TPRA1: variants seen among roughly 807,000 people sequenced by gnomAD.
The protein encoded by TPRA1 is transmembrane protein adipocyte-associated 1.
TPRA1 carries 28 observed loss-of-function variants against 40.1 expected under a neutral mutation model. The observed-to-expected ratio is 0.70, with a 90% CI of 0.52 to 0.96. The LOEUF is 0.96. TPRA1 is among the 40% of genes least tolerant of loss of function. The pLI, the probability that TPRA1 is intolerant of heterozygous loss-of-function variation, is 0.00. For synonymous variants in TPRA1, 219 were observed against 209.7 expected (o/e 1.04, Z -0.38); for missense variants, 441 against 482.6 (o/e 0.91, Z 0.81).
chr3:127,574,901 T>A, intron 10 of TPRA1: 1 of 490,814 alleles, frequency 2.0e-6, no homozygotes, highest in South Asian at 2.1e-5. Flanking sequence ...CATATGCCCG[T>A]GTGTATCCGT....
Position 127,577,086 on chromosome 3 carries a change from A to C in TPRA1, c.259-10T>G. ...GCGCCACCACAAACACCTGGTGGGC[A>C]AGGGAGTGGTGTGGCAGTCAGGGAA... On this transcript the variant is annotated splice_polypyrimidine_tract_variant and intron_variant, in intron 3 of 10. Coordinates refer to ENST00000355552, the MANE Select transcript of TPRA1 (RefSeq NM_001136053.4). 5.0e-6 allele frequency: 8 copies of C among 1,613,104 alleles called. No individual in the cohort carries two copies. The highest frequency in any genetic ancestry group is 6.8e-6 in the Non-Finnish European group (8 of 1,179,942).
In TPRA1 at chr3:127,575,814, A is replaced by G. The variant is rs1185967009; in HGVS notation, c.610-5T>C. 1.2e-6 allele frequency: 2 copies of G among 1,613,930 alleles called. No homozygotes were observed. Among genetic ancestry groups the G allele is most frequent in the Non-Finnish European group, 1.7e-6 (2 of 1,180,012 alleles). On this transcript the variant is annotated splice_polypyrimidine_tract_variant and splice_region_variant and intron_variant, in intron 7 of 10. Coordinates refer to ENST00000355552, the MANE Select transcript of TPRA1 (RefSeq NM_001136053.4). ...GATGACCACCAGAGAGTAGACCTACAGAGACAGGCAGGGCTGAGAAGGTGC... is the reference window on the plus strand; with the variant it reads ...GATGACCACCAGAGAGTAGACCTACGGAGACAGGCAGGGCTGAGAAGGTGC...
intron 1 of TPRA1, among the ~76,000 whole-genome samples, chr3:127,596,723 C>T (rs985467819): frequency 1.2e-4 from 18 of 152,202 alleles, no homozygotes; most frequent in Non-Finnish European, 2.4e-4. Flanking sequence ...GCTGGTCTTC[C>T]TGTGCGCTCC....
At chr3:127,597,310 C>G (rs1423395781) in intron 1 of TPRA1, among the ~76,000 whole-genome samples, 1 of 152,200 alleles carries the variant, frequency 6.6e-6, no homozygotes, top group Admixed American at 6.5e-5. Flanking sequence ...GCAACCTCCT[C>G]GTTTGCTGCC....
rs1034058665 is a variant in TPRA1, at chr3:127,581,805, C to T, written c.-17-1642G>A. On this transcript the variant is annotated intron_variant, in intron 1 of 10. Transcript: ENST00000355552. ...GGCATGGTGGCATGTGCCTATAGTC[C>T]CAGCTACTCAGGAGGCTGAGGCAGA... 5.3e-5 allele frequency among the ~76,000 whole-genome samples: 8 copies of T among 151,712 alleles called. 1 individual carries two copies. The highest frequency in any genetic ancestry group is 5.3e-4 in the Admixed American group (8 of 15,222).
chr3:127,578,830 C>T (rs535185135), intron 3 of TPRA1, among the ~76,000 whole-genome samples: 2 of 152,288 alleles, frequency 1.3e-5, no homozygotes, highest in African/African-American at 4.8e-5. Context: ...GGGAGCCACT[C>T]AGCTCTCATG....
intron 1 of TPRA1, among the ~76,000 whole-genome samples, chr3:127,590,002 G>A (rs1203378535): frequency 6.6e-6 from 1 of 152,218 alleles, no homozygotes; most frequent in Non-Finnish European, 1.5e-5. Flanking sequence ...GCAAAGCCCC[G>A]AACCGGCGGC....
At chr3:127,581,462 G>T (rs1432904624) in intron 1 of TPRA1, among the ~76,000 whole-genome samples, 2 of 152,194 alleles carry the variant, frequency 1.3e-5, no homozygotes, top group Non-Finnish European at 2.9e-5. Context: ...GGGCGCCTTT[G>T]GGGAGATGAA....
intron 1 of TPRA1, among the ~76,000 whole-genome samples, chr3:127,589,927 G>GCC (rs950607702): frequency 3.9e-5 from 6 of 152,214 alleles, no homozygotes; most frequent in African/African-American, 1.4e-4. Context: ...GGCAAAGCCA[G>GCC]CCCCCACCTG....
chr3:127,592,384 T>G (rs565022489), upstream of TPRA1, among the ~76,000 whole-genome samples: 968 of 140,538 alleles, frequency 6.9e-3, 8 homozygotes, highest in African/African-American at 0.024. Flanking sequence ...TTTTTTTTTT[T>G]TTTTTTTTTT....
intron 10 of TPRA1, chr3:127,574,934 G>A: frequency 1.8e-6 from 1 of 557,172 alleles, no homozygotes; most frequent in Non-Finnish European, 3.2e-6. Context: ...GTGTGTGCAT[G>A]TGCATGTGTG....
chr3:127,573,734 C>T lies in TPRA1; in HGVS notation c.909G>A (p.Glu303=), dbSNP rs1292504046. 2 of 1,598,740 alleles carry T rather than the reference C, an allele frequency of 1.3e-6. No individual in the cohort carries two copies. The highest frequency in any genetic ancestry group is 2.2e-5 in the East Asian group (1 of 44,488). Reference sequence around the variant, plus strand: ...AGGGCTGGGGTAGGTGTACATCTGGCTCCTCTGTCTCGTCCACTTGGCATT... The same window carrying T: ...AGGGCTGGGGTAGGTGTACATCTGGTTCCTCTGTCTCGTCCACTTGGCATT... ...SYKCQVDETE[E]PDVHLPQPYA... Residue 303 remains glutamate, a synonymous_variant, in exon 11 of 11, where the codon GAG becomes GAA. Coordinates refer to ENST00000355552, the MANE Select transcript of TPRA1 (RefSeq NM_001136053.4).
In TPRA1 at chr3:127,573,565, T is replaced by A; in HGVS notation, c.1078A>T (p.Ile360Phe). ...CAGCGCTCGCTGTCTGTGCTGTTGA[T>A]GCTGCCAGTGTGGCAGGGCATGGAA... ...IASMPCHTGS[I>F]NSTDSERWKA... Residue 360 changes from isoleucine to phenylalanine, a missense_variant, in exon 11 of 11, where the codon ATC (isoleucine) becomes TTC (phenylalanine). Physicochemically the swap from Ile to Phe is conservative, Grantham distance 21. Coordinates refer to ENST00000355552, the MANE Select transcript of TPRA1 (RefSeq NM_001136053.4). 6.2e-7 allele frequency: 1 copy of A among 1,613,236 alleles called. No homozygotes were observed. The highest frequency in any genetic ancestry group is 8.5e-7 in the Non-Finnish European group (1 of 1,179,980).
Position 127,576,054 on chromosome 3 carries a change from C to A in TPRA1, c.499-4G>T, listed in dbSNP as rs1176575948. 5.6e-6 allele frequency: 9 copies of A among 1,607,704 alleles called. No homozygotes were observed. Among genetic ancestry groups the A allele is most frequent in the Non-Finnish European group, 6.8e-6 (8 of 1,174,570 alleles). On this transcript the variant is annotated splice_polypyrimidine_tract_variant and splice_region_variant and intron_variant, in intron 6 of 10. Coordinates refer to ENST00000355552, the MANE Select transcript of TPRA1 (RefSeq NM_001136053.4). The surrounding 1 kb of genome is among the most constrained non-coding windows in gnomAD (Gnocchi z 4.6). ...GGTACAGGATCTCCAGGGTCCCCTG[C>A]AGGGGCAAGCAGGAAGGGAGGAAGG...
chr3:127,584,900 T>C (rs182895472), intron 1 of TPRA1, among the ~76,000 whole-genome samples: 24 of 152,020 alleles, frequency 1.6e-4, no homozygotes, highest in Admixed American at 1.4e-3. Flanking sequence ...CCCTCCTCCC[T>C]TCCCGGTGGC....
Position 127,576,785 on chromosome 3 carries a change from C to G in TPRA1, c.418+36G>C, listed in dbSNP as rs1249561311. On this transcript the variant is annotated intron_variant, in intron 5 of 10. Coordinates refer to ENST00000355552, the MANE Select transcript of TPRA1 (RefSeq NM_001136053.4). The surrounding 1 kb of genome is among the most constrained non-coding windows in gnomAD (Gnocchi z 4.6). Reference sequence around the variant, plus strand: ...ACAGCCAGGGAGGGGCAGGGGAGAGCATCGCCAGGGCCCAAGAGCCCAGCG... The same window carrying G: ...ACAGCCAGGGAGGGGCAGGGGAGAGGATCGCCAGGGCCCAAGAGCCCAGCG... 3.7e-6 allele frequency: 6 copies of G among 1,613,360 alleles called. No homozygotes were observed. Among genetic ancestry groups the G allele is most frequent in the Non-Finnish European group, 5.1e-6 (6 of 1,179,804 alleles).
chr3:127,591,290 G>A (rs1325760402), upstream of TPRA1, among the ~76,000 whole-genome samples: 1 of 152,222 alleles, frequency 6.6e-6, no homozygotes, highest in African/African-American at 2.4e-5. Context: ...CCATGCCTCG[G>A]GCACTCCTCT....
chr3:127,572,886 GGGGC>G lies in TPRA1; in HGVS notation c.*631_*634del, dbSNP rs1344419355. ...CCCTACTCAGATGGGCCCAGGGGCA[GGGGC>G]AGCGGCAGCTGGGATCCTGTTTCTC... On this transcript the variant is annotated 3_prime_UTR_variant, in exon 11 of 11. Coordinates refer to ENST00000355552, the MANE Select transcript of TPRA1 (RefSeq NM_001136053.4). Among the ~76,000 whole-genome samples the G allele has an allele frequency of 6.6e-6, 1 of 152,148 alleles. No homozygotes were observed. The highest frequency in any genetic ancestry group is 6.5e-5 in the Admixed American group (1 of 15,272).
intron 10 of TPRA1, 23 bp from the exon 11 acceptor site, chr3:127,573,811 A>G: frequency 6.5e-7 from 1 of 1,536,014 alleles, no homozygotes; most frequent in Non-Finnish European, 8.8e-7. Flanking sequence ...AAAGAGGGGC[A>G]TGGAAGCCTC....
Sources: allele counts gnomAD v4.1 joint callset (sites outside exome capture counted in the v4.1 genomes callset), GRCh38; gene constraint gnomAD v4.1.1; non-coding constraint Gnocchi (gnomAD v3.1); transcripts MANE v1.5; gene names NCBI Gene and HGNC (gene_info 2026-07-23, HGNC 2026-07-21).